The following ZNRF1 variants were observed in gnomAD, a reference collection of about 807,000 sequenced individuals.
ZNRF1 encodes zinc and ring finger 1.
In ZNRF1, 3 loss-of-function variants were observed where a neutral mutation model predicts 18.4. That is an observed-to-expected ratio of 0.16 (90% CI 0.07 to 0.42). The LOEUF (loss-of-function observed/expected upper bound fraction) is 0.42, where lower values mean the gene tolerates loss of function less well. Ranked by LOEUF, ZNRF1 falls within the 10% of genes least tolerant of loss-of-function variation. The pLI, the probability that ZNRF1 is intolerant of heterozygous loss-of-function variation, is 0.99. For synonymous variants in ZNRF1, 157 were observed against 144.2 expected, an observed-to-expected ratio of 1.09 and a Z score of -0.64; for missense variants, 310 against 329.8, an observed-to-expected ratio of 0.94 and a Z score of 0.47.
At chr16:75,016,012 C>T (rs1251026083) in intron 1 of ZNRF1, among the ~76,000 whole-genome samples, 1 of 151,464 alleles carries the variant, frequency 6.6e-6, no homozygotes, top group African/African-American at 2.4e-5. Context: ...GCTCCGCCTC[C>T]CGGGTTCATA....
At chr16:75,106,455 G>A (rs757462296) in intron 3 of ZNRF1, 27 bp from the exon 4 acceptor site, 21 of 1,613,902 alleles carry the variant, frequency 1.3e-5, no homozygotes, top group Non-Finnish European at 1.7e-5. Context: ...AGGTAACGTG[G>A]TTTCCCTTGC....
At chr16:75,017,614 A>G (rs1377875727) in intron 1 of ZNRF1, among the ~76,000 whole-genome samples, 1 of 152,182 alleles carries the variant, frequency 6.6e-6, no homozygotes, top group Non-Finnish European at 1.5e-5. Context: ...TGTGATCTTA[A>G]AAGTGACATG....
intron 1 of ZNRF1, among the ~76,000 whole-genome samples, chr16:75,039,362 G>A (rs551166355): frequency 2.6e-5 from 4 of 152,026 alleles, no homozygotes; most frequent in African/African-American, 9.7e-5. Flanking sequence ...ATTTAGGGAG[G>A]CCAAAGGCAG....
At chr16:75,036,803 C>T (rs149992309) in intron 1 of ZNRF1, among the ~76,000 whole-genome samples, 96 of 152,232 alleles carry the variant, frequency 6.3e-4, no homozygotes, top group Non-Finnish European at 1.0e-3. Flanking sequence ...ATTATACACA[C>T]GTATGTTTAA....
At chr16:75,064,524 C>A (rs1197937070) in intron 1 of ZNRF1, among the ~76,000 whole-genome samples, 1 of 150,888 alleles carries the variant, frequency 6.6e-6, no homozygotes, top group Non-Finnish European at 1.5e-5. Context: ...CCATTGCACT[C>A]CAGCCTGGGT....
intron 1 of ZNRF1, among the ~76,000 whole-genome samples, chr16:75,087,712 AAGGAACCCGGGG>A (rs1666771666): frequency 6.6e-6 from 1 of 152,224 alleles, no homozygotes; most frequent in African/African-American, 2.4e-5. Context: ...AGAAAAGGAC[AAGGAACCCGGGG>A]TACGTTCCCT....
intron 1 of ZNRF1, among the ~76,000 whole-genome samples, chr16:75,082,604 A>T (rs578180652): frequency 1.3e-5 from 2 of 152,256 alleles, no homozygotes; most frequent in South Asian, 4.1e-4. Flanking sequence ...CCCAGGTTGG[A>T]GTACAATGGC....
intron 1 of ZNRF1, 57 bp downstream of exon 1, chr16:75,000,152 C>T (rs1019893793): frequency 6.4e-7 from 1 of 1,560,094 alleles, no homozygotes; most frequent in East Asian, 2.4e-5. Flanking sequence ...CGCCCCAAGC[C>T]TTCGCGTGCG....
intron 1 of ZNRF1, among the ~76,000 whole-genome samples, chr16:75,068,400 G>A (rs1056800766): frequency 7.9e-5 from 12 of 152,088 alleles, no homozygotes; most frequent in Non-Finnish European, 1.6e-4. Context: ...GGCCTGGCCA[G>A]GGTCTCAGTT....
chr16:75,041,886 C>T (rs2035452692), intron 1 of ZNRF1, among the ~76,000 whole-genome samples: 1 of 151,894 alleles, frequency 6.6e-6, no homozygotes, highest in Admixed American at 6.6e-5. Flanking sequence ...ATCCCAGCTA[C>T]TCGGGAGCCT....
intron 1 of ZNRF1, among the ~76,000 whole-genome samples, chr16:75,089,362 G>A (rs2145418091): frequency 6.6e-6 from 1 of 152,170 alleles, no homozygotes; most frequent in South Asian, 2.1e-4. Context: ...TCCCACCATG[G>A]CCTCCCACAA....
intron 1 of ZNRF1, among the ~76,000 whole-genome samples, chr16:75,058,293 A>G (rs560610181): frequency 6.6e-6 from 1 of 151,990 alleles, no homozygotes; most frequent in Non-Finnish European, 1.5e-5. Flanking sequence ...GAGCGTTTAG[A>G]TCTGAGGAGC....
At chr16:75,084,178 T>C (rs930505832) in intron 1 of ZNRF1, among the ~76,000 whole-genome samples, 48 of 152,186 alleles carry the variant, frequency 3.2e-4, no homozygotes, top group African/African-American at 1.1e-3. Flanking sequence ...TCACATTTCA[T>C]TGGCCAAAGC....
At position 74,999,865 on chromosome 16, in the gene ZNRF1, G is replaced by A; in HGVS notation, c.194G>A (p.Gly65Glu). Residue 65 changes from glycine to glutamate, a missense_variant, in exon 1 of 5, where the codon GGG (glycine) becomes GAG (glutamate). Physicochemically the swap from Gly to Glu is moderately conservative, Grantham distance 98. Around this residue, in one of 2 missense-constraint regions of ZNRF1, gnomAD observed 293 missense variants for 291.2 expected, o/e 1.01. Coordinates refer to ENST00000335325, the MANE Select transcript of ZNRF1 (RefSeq NM_032268.5). ...ATGGGCATGGACCCCAGCACGGCCG[G>A]GGGGGTGCCCTTTGGCCTCTACACC... ...AGMGMDPSTA[G>E]GVPFGLYTPA... is the part of the protein sequence containing the mutation. 6.6e-7 allele frequency: 1 copy of A among 1,521,642 alleles called. No homozygotes were observed. The allele number at this position is 1,521,642 out of a possible 1,614,324, so 94.3% of individuals were successfully genotyped here.
intron 1 of ZNRF1, among the ~76,000 whole-genome samples, chr16:75,001,945 A>G (rs1325817112): frequency 6.6e-6 from 1 of 152,108 alleles, no homozygotes; most frequent in African/African-American, 2.4e-5. Flanking sequence ...GGAAGGTTGG[A>G]GCATATTAAT....
intron 1 of ZNRF1, among the ~76,000 whole-genome samples, chr16:75,083,799 T>C (rs1243883433): frequency 6.6e-6 from 1 of 151,668 alleles, no homozygotes; most frequent in Non-Finnish European, 1.5e-5. Context: ...CACAGAGAAG[T>C]TATGGAGAAA....
chr16:75,093,777 C>A, intron 2 of ZNRF1, 110 bp downstream of exon 2: 2 of 784,136 alleles, frequency 2.6e-6, no homozygotes, highest in Non-Finnish European at 2.2e-6. Context: ...TTTCACCCTG[C>A]CCTCTGGCAG....
intron 1 of ZNRF1, among the ~76,000 whole-genome samples, chr16:75,018,674 G>T (rs2035102418): frequency 6.6e-6 from 1 of 151,984 alleles, no homozygotes; most frequent in South Asian, 2.1e-4. Flanking sequence ...CCTTTCAGTT[G>T]TAAATGATTT....
chr16:75,072,853 G>A (rs930187802), intron 1 of ZNRF1, among the ~76,000 whole-genome samples: 18 of 152,180 alleles, frequency 1.2e-4, no homozygotes, highest in African/African-American at 4.3e-4. Context: ...CTGTGAGGGA[G>A]GCATTACAAT....
Sources: gnomAD v4.1 joint callset for allele counts (sites outside exome capture counted in the v4.1 genomes callset) on GRCh38, gnomAD v4.1.1 for gene constraint, gnomAD v4.1.1 regional missense constraint, MANE v1.5 for transcripts, NCBI Gene and HGNC (gene_info 2026-07-23, HGNC 2026-07-21) for gene names.